The following TAFA1 variants were observed in gnomAD, a reference collection of about 807,000 sequenced individuals.
The protein encoded by TAFA1 is chemokine-like protein TAFA-1.
Under a neutral mutation model 18.5 loss-of-function variants are expected in TAFA1, and 4 were observed. That is an observed-to-expected ratio of 0.22 (90% CI 0.11 to 0.49). The LOEUF is 0.49. Ranked by LOEUF, TAFA1 falls within the 20% of genes least tolerant of loss-of-function variation. The pLI is 0.98. For missense variants in TAFA1, 147 were observed against 169.0 expected (o/e 0.87, Z 0.72); for synonymous variants, 56 against 55.2 (o/e 1.01, Z -0.06).
chr3:68,297,781 T>C (rs2068236674), intron 2 of TAFA1, among the ~76,000 whole-genome samples: 2 of 152,168 alleles, frequency 1.3e-5, no homozygotes, highest in African/African-American at 4.8e-5. Flanking sequence ...TAAGAATATT[T>C]CTATATGTTC....
At chr3:68,495,152 T>G (rs913281912) in intron 3 of TAFA1, among the ~76,000 whole-genome samples, 27 of 152,326 alleles carry the variant, frequency 1.8e-4, no homozygotes, top group African/African-American at 6.3e-4. Context: ...TAGGACACTT[T>G]CTAGTTCATC....
chr3:68,417,498 A>G, intron 3 of TAFA1, 78 bp downstream of exon 3: 2 of 1,348,588 alleles, frequency 1.5e-6, no homozygotes, highest in Non-Finnish European at 2.0e-6. Context: ...TTTATCTAAT[A>G]TGGTTCCAGA....
intron 2 of TAFA1, among the ~76,000 whole-genome samples, chr3:68,121,328 T>C (rs978624031): frequency 1.3e-5 from 2 of 151,044 alleles, no homozygotes; most frequent in African/African-American, 4.9e-5. Context: ...CTCCTATGAG[T>C]TAACTCAAGT....
At chr3:68,256,451 G>C (rs549494447) in intron 2 of TAFA1, among the ~76,000 whole-genome samples, 2 of 152,030 alleles carry the variant, frequency 1.3e-5, no homozygotes, top group African/African-American at 4.8e-5. Flanking sequence ...CTGTAAAGTG[G>C]GGATAATAAT....
At chr3:68,393,576 G>C (rs1384249452) in intron 2 of TAFA1, among the ~76,000 whole-genome samples, 1 of 151,856 alleles carries the variant, frequency 6.6e-6, no homozygotes, top group African/African-American at 2.4e-5. Flanking sequence ...AAAATTTCAG[G>C]GCAATATCCC....
At position 68,143,697 on chromosome 3, in the gene TAFA1, G is replaced by A. The variant is rs564222543; in HGVS notation, c.118+136953G>A. 5.3e-5 allele frequency among the ~76,000 whole-genome samples: 8 copies of A among 152,240 alleles called. No homozygotes were observed. In the Middle Eastern group the frequency reaches 0.01, roughly 194 times the overall value. ...AGAGTGGGAAAAATCACCCCTGGTT[G>A]AGAGCCACTGAGCCAAACCAAGAGT... On this transcript the variant is annotated intron_variant, in intron 2 of 4. Transcript: ENST00000478136.
At chr3:68,478,977 G>A (rs1332418768) in intron 3 of TAFA1, among the ~76,000 whole-genome samples, 1 of 150,142 alleles carries the variant, frequency 6.7e-6, no homozygotes, top group African/African-American at 2.4e-5. Context: ...GCTCATGCCT[G>A]TAATCAGCAC....
intron 2 of TAFA1, among the ~76,000 whole-genome samples, chr3:68,263,133 T>A (rs770284378): frequency 1.3e-5 from 2 of 152,120 alleles, no homozygotes; most frequent in Non-Finnish European, 2.9e-5. Context: ...TGTCTTACTA[T>A]GATGCCCAGG....
chr3:68,074,762 C>G (rs1440438453), intron 2 of TAFA1, among the ~76,000 whole-genome samples: 1 of 152,162 alleles, frequency 6.6e-6, no homozygotes, highest in Admixed American at 6.5e-5. Flanking sequence ...CTCATAACCA[C>G]CATATACATT....
At chr3:68,082,393 T>C (rs921033611) in intron 2 of TAFA1, among the ~76,000 whole-genome samples, 1 of 152,228 alleles carries the variant, frequency 6.6e-6, no homozygotes, top group African/African-American at 2.4e-5. Flanking sequence ...AAGCAATTTA[T>C]AGAAACCTTA....
chr3:68,220,862 A>G (rs970959745), intron 2 of TAFA1, among the ~76,000 whole-genome samples: 3 of 152,052 alleles, frequency 2.0e-5, no homozygotes, highest in Non-Finnish European at 2.9e-5. Flanking sequence ...CCCTCGGTGC[A>G]TGGTTCTCCC....
In TAFA1 at chr3:68,356,725, C is replaced by T. The variant is rs115540375; in HGVS notation, c.119-60555C>T. On this transcript the variant is annotated intron_variant, in intron 2 of 4. Transcript: ENST00000478136. ...TTCAAATGCAGCTTCTTTTGACTCACGATGATTGCTACTTATAAAAATTGA... is the reference window on the plus strand; with the variant it reads ...TTCAAATGCAGCTTCTTTTGACTCATGATGATTGCTACTTATAAAAATTGA... Among the ~76,000 whole-genome samples, 165 of 151,950 alleles carry T rather than the reference C, an allele frequency of 1.1e-3. 1 individual carries two copies. The highest frequency in any genetic ancestry group is 3.8e-3 in the African/African-American group (158 of 41,474).
At chr3:68,199,409 A>T (rs2066448071) in intron 2 of TAFA1, among the ~76,000 whole-genome samples, 1 of 151,438 alleles carries the variant, frequency 6.6e-6, no homozygotes, top group African/African-American at 2.4e-5. Context: ...ATTTTCTGGG[A>T]TTTTGACTGG....
chr3:68,468,561 CAG>C (rs1259828454), intron 3 of TAFA1, among the ~76,000 whole-genome samples: 1 of 152,174 alleles, frequency 6.6e-6, no homozygotes, highest in Non-Finnish European at 1.5e-5. Flanking sequence ...GAAAAGAAGA[CAG>C]AGATGAAACC....
intron 2 of TAFA1, among the ~76,000 whole-genome samples, chr3:68,278,333 TAA>T (rs2067832775): frequency 6.6e-6 from 1 of 152,096 alleles, no homozygotes; most frequent in South Asian, 2.1e-4. Flanking sequence ...GTAGAACAAA[TAA>T]TATAAACTAA....
intron 2 of TAFA1, among the ~76,000 whole-genome samples, chr3:68,097,814 G>C (rs962282992): frequency 3.9e-5 from 6 of 152,088 alleles, no homozygotes; most frequent in African/African-American, 1.4e-4. Context: ...GTACAGTGCT[G>C]GACTGATTTC....
At chr3:68,150,239 G>A (rs997846693) in intron 2 of TAFA1, among the ~76,000 whole-genome samples, 3 of 152,182 alleles carry the variant, frequency 2.0e-5, no homozygotes, top group African/African-American at 7.2e-5. Flanking sequence ...AAAGACGAAT[G>A]AAGCTGGTTT....
chr3:68,542,979 A>C (rs1221047747), intron 4 of TAFA1, among the ~76,000 whole-genome samples: 1 of 152,228 alleles, frequency 6.6e-6, no homozygotes, highest in Non-Finnish European at 1.5e-5. Context: ...ATAAGTTATC[A>C]GTTTACATTG....
At chr3:68,447,767 T>C (rs986183634) in intron 3 of TAFA1, among the ~76,000 whole-genome samples, 1 of 152,234 alleles carries the variant, frequency 6.6e-6, no homozygotes, top group Non-Finnish European at 1.5e-5. Flanking sequence ...TAGTAGCTGC[T>C]GCAAGCCTGT....
Sources: gnomAD v4.1 joint callset for allele counts (sites outside exome capture counted in the v4.1 genomes callset) on GRCh38, gnomAD v4.1.1 for gene constraint, MANE v1.5 for transcripts, NCBI Gene and HGNC (gene_info 2026-07-23, HGNC 2026-07-21) for gene names.